Variants in GREB1L observed in about 807,000 individuals in gnomAD.
GREB1L encodes GREB1-like protein.
A neutral mutation model predicts 200.8 loss-of-function variants in GREB1L; 17 were observed. That is an observed-to-expected ratio of 0.08 (90% CI 0.06 to 0.13). The LOEUF is 0.13. Among genes scored for constraint, GREB1L ranks in the 10% least tolerant of loss-of-function variants. GREB1L has a pLI of 1.00. For synonymous variants in GREB1L, 789 were observed against 893.0 expected (o/e 0.88, Z 2.08); for missense variants, 1,657 against 2,367.7 (o/e 0.70, Z 6.23).
intron 1 of GREB1L, among the ~76,000 whole-genome samples, chr18:21,260,952 C>T (rs1014523249): frequency 6.6e-6 from 1 of 151,750 alleles, no homozygotes; most frequent in African/African-American, 2.4e-5. Flanking sequence ...ATTAAACAGC[C>T]AATACTCAAT....
At chr18:21,427,775 G>C (rs1371780752) in intron 7 of GREB1L, among the ~76,000 whole-genome samples, 1 of 152,056 alleles carries the variant, frequency 6.6e-6, no homozygotes, top group South Asian at 2.1e-4. Context: ...CCTATATTCG[G>C]GATCATGTCA....
intron 32 of GREB1L, 80 bp downstream of exon 32, chr18:21,520,903 A>G: frequency 7.6e-7 from 1 of 1,311,386 alleles, no homozygotes; most frequent in African/African-American, 1.6e-5. Context: ...ATATTTTTAA[A>G]AAGCACTTGA....
chr18:21,396,351 T>A (rs2041065843), intron 5 of GREB1L, among the ~76,000 whole-genome samples: 1 of 152,226 alleles, frequency 6.6e-6, no homozygotes, highest in African/African-American at 2.4e-5. Context: ...GGCCTTTTCA[T>A]TTTTATTAAT....
intron 21 of GREB1L, among the ~76,000 whole-genome samples, chr18:21,497,007 T>G (rs1221584585): frequency 1.3e-5 from 2 of 152,264 alleles, no homozygotes; most frequent in Non-Finnish European, 2.9e-5. Context: ...ATGGTTATTA[T>G]GCATCTCATA....
chr18:21,473,697 C>T (rs2035576420), intron 16 of GREB1L, among the ~76,000 whole-genome samples: 1 of 151,902 alleles, frequency 6.6e-6, no homozygotes, highest in Non-Finnish European at 1.5e-5. Flanking sequence ...CTCGACTTCT[C>T]TCATCGATTT....
At chr18:21,415,013 TG>T (rs2031487714) in intron 7 of GREB1L, among the ~76,000 whole-genome samples, 2 of 152,082 alleles carry the variant, frequency 1.3e-5, no homozygotes, top group East Asian at 1.9e-4. Context: ...GAGAGGAAAG[TG>T]GTAGAACCCA....
rs1185031600 is a variant in GREB1L at position 21,400,214 on chromosome 18, T to TA, written c.533-926dup. On this transcript the variant is annotated intron_variant, in intron 5 of 32. Coordinates refer to ENST00000424526, the MANE Select transcript of GREB1L (RefSeq NM_001142966.3). ...GGGGATGGAAAAATTGATTTTCAAT[T>TA]AAAAAAAAAAGTATGGCTTTTCATC... 1.3e-4 allele frequency among the ~76,000 whole-genome samples: 19 copies of TA among 148,760 alleles called. No homozygotes were observed. The East Asian group carries it at 1.4e-3, about 11-fold the overall frequency.
At chr18:21,346,642 G>A (rs190259183) in intron 1 of GREB1L, among the ~76,000 whole-genome samples, 215 of 152,048 alleles carry the variant, frequency 1.4e-3, no homozygotes, top group Non-Finnish European at 2.1e-3. Context: ...GTCCTAATTA[G>A]GTTTACATTT....
chr18:21,417,718 A>G (rs2095194983), intron 7 of GREB1L, among the ~76,000 whole-genome samples: 1 of 151,954 alleles, frequency 6.6e-6, no homozygotes, highest in Non-Finnish European at 1.5e-5. Context: ...TAGGCCAGGC[A>G]CAGTGGCTCA....
At position 21,500,349 on chromosome 18, in the gene GREB1L, G is replaced by A. The variant is rs1399792054; in HGVS notation, c.3969+43G>A. The A allele has an allele frequency of 3.3e-6, 3 of 920,106 alleles. No homozygotes were observed. In the South Asian group the frequency reaches 4.4e-5, roughly 13 times the overall value. The allele number at this position is 920,106 out of a possible 1,614,324, so 57.0% of individuals were successfully genotyped here. On this transcript the variant is annotated intron_variant, in intron 22 of 32. Coordinates refer to ENST00000424526, the MANE Select transcript of GREB1L (RefSeq NM_001142966.3). The stretch of plus-strand genomic sequence containing the variant: ...GGGGCCGTTTCTTAGGCTGGGGTTG[G>A]CGCGTCTTCCTCAAGAAGTAGAAGC...
At chr18:21,510,847 C>CT (rs113424479) in intron 27 of GREB1L, among the ~76,000 whole-genome samples, 2,536 of 147,546 alleles carry the variant, frequency 0.017, 39 homozygotes, top group East Asian at 0.097. Flanking sequence ...CTCACCAACA[C>CT]TTTTTTTTTT....
At chr18:21,351,857 T>TTTA (rs1224526260) in intron 1 of GREB1L, among the ~76,000 whole-genome samples, 4 of 143,816 alleles carry the variant, frequency 2.8e-5, no homozygotes, top group African/African-American at 5.9e-5. Flanking sequence ...TATTTATTTA[T>TTTA]TTTTTTCTGA....
At chr18:21,265,767 T>C (rs1240489280) in intron 1 of GREB1L, among the ~76,000 whole-genome samples, 2 of 152,180 alleles carry the variant, frequency 1.3e-5, no homozygotes, top group African/African-American at 4.8e-5. Flanking sequence ...TTCTTTTTTT[T>C]TATGGGCTTA....
At chr18:21,255,218 A>G (rs1173166730) in intron 1 of GREB1L, among the ~76,000 whole-genome samples, 1 of 152,176 alleles carries the variant, frequency 6.6e-6, no homozygotes, top group Non-Finnish European at 1.5e-5. Context: ...CTGCCTATCT[A>G]TCCTGCTCAT....
intron 17 of GREB1L, among the ~76,000 whole-genome samples, chr18:21,484,158 A>G (rs1272421534): frequency 6.6e-6 from 1 of 150,384 alleles, no homozygotes; most frequent in Non-Finnish European, 1.5e-5. Context: ...ATCTTAATAC[A>G]TACATACATA....
chr18:21,440,615 C>A (rs769930406), intron 9 of GREB1L, among the ~76,000 whole-genome samples: 32 of 152,234 alleles, frequency 2.1e-4, no homozygotes, highest in Middle Eastern at 3.4e-3. Flanking sequence ...AAAAGCCATT[C>A]GTTATATGGG....
chr18:21,454,430 C>A lies in GREB1L; in HGVS notation c.2049C>A (p.Ser683=). The A allele has an allele frequency of 1.3e-6, 2 of 1,551,782 alleles. No individual in the cohort carries two copies. The change falls in exon 15 of 33, where the codon TCC becomes TCA. Residue 683 remains serine (S), a synonymous_variant. Coordinates refer to ENST00000424526, the MANE Select transcript of GREB1L (RefSeq NM_001142966.3). ...PQLTVARKLL[S]QVCAIADSGS... ...TAACAGTTGCCAGAAAACTCTTATC[C>A]CAGGTGTGTGCTATAGCGGACAGTG...
intron 7 of GREB1L, among the ~76,000 whole-genome samples, chr18:21,413,859 A>G (rs1248984010): frequency 3.9e-5 from 6 of 152,236 alleles, no homozygotes; most frequent in African/African-American, 1.4e-4. Context: ...GAAGAAACCC[A>G]TAAGTAATAA....
chr18:21,364,613 A>G (rs2039634105), intron 1 of GREB1L, among the ~76,000 whole-genome samples: 1 of 152,190 alleles, frequency 6.6e-6, no homozygotes, highest in Non-Finnish European at 1.5e-5. Flanking sequence ...TTCTCTATGG[A>G]TGTAAATAAT....
Sources: allele counts gnomAD v4.1 joint callset (sites outside exome capture counted in the v4.1 genomes callset), GRCh38; gene constraint gnomAD v4.1.1; transcripts MANE v1.5; gene names NCBI Gene and HGNC (gene_info 2026-07-23, HGNC 2026-07-21).